DOCK7: variants seen among roughly 807,000 people sequenced by gnomAD.
The protein encoded by DOCK7 is dedicator of cytokinesis protein 7.
In DOCK7, 138 loss-of-function variants were observed where a neutral mutation model predicts 271.0. The ratio of observed to expected loss-of-function variants is 0.51; its 90% CI spans 0.44 to 0.59. The LOEUF (loss-of-function observed/expected upper bound fraction) is 0.59, where lower values mean the gene tolerates loss of function less well. Among genes scored for constraint, DOCK7 ranks in the 20% least tolerant of loss-of-function variants. DOCK7 has a pLI of 0.00. For synonymous variants in DOCK7, 823 were observed against 876.1 expected (o/e 0.94, Z 1.07); for missense variants, 2,066 against 2,592.4 (o/e 0.80, Z 4.41).
At chr1:62,560,177 G>A (rs560443692) in intron 19 of DOCK7, among the ~76,000 whole-genome samples, 26 of 152,116 alleles carry the variant, frequency 1.7e-4, no homozygotes, top group African/African-American at 5.8e-4. Flanking sequence ...ATGACTATAT[G>A]CTGAGTCCCG....
intron 18 of DOCK7, among the ~76,000 whole-genome samples, chr1:62,571,042 A>G (rs1385023042): frequency 6.6e-6 from 1 of 152,232 alleles, no homozygotes; most frequent in Non-Finnish European, 1.5e-5. Context: ...AACAAAAGCA[A>G]AAATTGACAA....
chr1:62,596,178 A>G, intron 14 of DOCK7, among the ~76,000 whole-genome samples: 1 of 152,172 alleles, frequency 6.6e-6, no homozygotes, highest in East Asian at 1.9e-4. Flanking sequence ...CTCTACATGT[A>G]TTATTGTTAA....
At chr1:62,492,679 A>C in intron 41 of DOCK7, 25 bp downstream of exon 41, 1 of 1,612,972 alleles carries the variant, frequency 6.2e-7, no homozygotes, top group Non-Finnish European at 8.5e-7. Flanking sequence ...AAACTGTGGG[A>C]AAAGAATTAA....
chr1:62,598,732 C>T, intron 14 of DOCK7: 1 of 1,611,296 alleles, frequency 6.2e-7, no homozygotes, highest in Non-Finnish European at 8.5e-7. Context: ...CATCAAAGAC[C>T]TTCTCCAGAC....
At chr1:62,489,978 T>C (rs1268331516) in intron 41 of DOCK7, among the ~76,000 whole-genome samples, 3 of 152,124 alleles carry the variant, frequency 2.0e-5, no homozygotes, top group African/African-American at 7.2e-5. Flanking sequence ...TGTGGGCTAG[T>C]TGGCCAGTGG....
intron 48 of DOCK7, among the ~76,000 whole-genome samples, 187 bp downstream of exon 48, chr1:62,473,795 G>T (rs10889330): frequency 1.3e-5 from 2 of 151,912 alleles, no homozygotes; most frequent in South Asian, 2.1e-4. Context: ...TTGTTTTCCA[G>T]GCTGGTCTCA....
intron 2 of DOCK7, among the ~76,000 whole-genome samples, chr1:62,657,649 TA>T (rs1374395865): frequency 1.3e-5 from 2 of 152,110 alleles, no homozygotes; most frequent in Non-Finnish European, 2.9e-5. Context: ...ACAGCAATTG[TA>T]AACACTCTTA....
At chr1:62,501,953 A>G (rs1025545683) in intron 37 of DOCK7, among the ~76,000 whole-genome samples, 12 of 152,200 alleles carry the variant, frequency 7.9e-5, no homozygotes, top group Middle Eastern at 3.2e-3. Flanking sequence ...AGCAACTTAT[A>G]TAACTACAAA....
chr1:62,509,049 T>A (rs1644401733), intron 34 of DOCK7, among the ~76,000 whole-genome samples: 1 of 152,096 alleles, frequency 6.6e-6, no homozygotes, highest in East Asian at 1.9e-4. Context: ...AATTTACAGT[T>A]TACAAATTCA....
chr1:62,601,676 C>T, intron 14 of DOCK7: 1 of 903,922 alleles, frequency 1.1e-6, no homozygotes, highest in Non-Finnish European at 1.8e-6. Context: ...GCTACATTTG[C>T]CACAACTTCA....
intron 14 of DOCK7, among the ~76,000 whole-genome samples, chr1:62,590,610 T>A (rs1361578118): frequency 6.6e-6 from 1 of 152,102 alleles, no homozygotes; most frequent in Non-Finnish European, 1.5e-5. Flanking sequence ...TGTAGTATGA[T>A]AAATGCTGTG....
chr1:62,503,907 C>T (rs899012252), intron 37 of DOCK7, among the ~76,000 whole-genome samples: 71 of 151,942 alleles, frequency 4.7e-4, no homozygotes, highest in African/African-American at 1.5e-3. Flanking sequence ...ATTAGCTGGG[C>T]GTGGTGGCGG....
In DOCK7 at chr1:62,474,251, T is replaced by C. The variant is rs116569821; in HGVS notation, c.6106-163A>G. 4.9e-3 allele frequency among the ~76,000 whole-genome samples: 743 copies of C among 152,364 alleles called. 8 individuals are homozygous for C. Among genetic ancestry groups the C allele is most frequent in the African/African-American group, 0.017 (719 of 41,596 alleles). ...AACTCCACAGACTATTTCAGTATTT[T>C]CTAATTTCATTCTACATTCTTATCT... is the stretch of plus-strand genomic sequence containing the variant. On this transcript the variant is annotated intron_variant, in intron 47 of 49. Coordinates refer to ENST00000635253, the MANE Select transcript of DOCK7 (RefSeq NM_001367561.1).
In DOCK7 at chr1:62,611,960, C is replaced by A. The variant is rs530145841; in HGVS notation, c.1682+6746G>T. Among the ~76,000 whole-genome samples the A allele has an allele frequency of 2.0e-5, 3 of 148,414 alleles. No homozygotes were observed. The Admixed American group carries it at 2.0e-4, about 10-fold the overall frequency. On this transcript the variant is annotated intron_variant, in intron 14 of 49. Transcript: ENST00000635253. ...AGGAGTTCGAGACATGCCTGGCCAA[C>A]ACAGTGAAATCCCATCTCTAGTAAA...
chr1:62,665,238 C>G (rs1019970332), intron 1 of DOCK7, among the ~76,000 whole-genome samples: 2 of 152,102 alleles, frequency 1.3e-5, no homozygotes, highest in African/African-American at 4.8e-5. Context: ...AGCCACCCAC[C>G]TTGGTCTCCC....
intron 47 of DOCK7, among the ~76,000 whole-genome samples, chr1:62,474,465 G>A (rs1354706828): frequency 6.6e-6 from 1 of 152,168 alleles, no homozygotes; most frequent in Non-Finnish European, 1.5e-5. Context: ...TGCTAAAACA[G>A]GTTCCCTCAG....
intron 22 of DOCK7, among the ~76,000 whole-genome samples, chr1:62,551,481 T>C (rs912358671): frequency 2.0e-5 from 3 of 152,062 alleles, no homozygotes; most frequent in East Asian, 1.9e-4. Context: ...AAGTGTGATA[T>C]AAGGGAAGAC....
intron 1 of DOCK7, 70 bp downstream of exon 1, chr1:62,688,157 C>A: frequency 7.9e-7 from 1 of 1,267,634 alleles, no homozygotes. Context: ...GCCTCCTAGG[C>A]CAGGCCTGGG....
chr1:62,657,947 C>T (rs888018713), intron 2 of DOCK7, among the ~76,000 whole-genome samples: 8 of 151,960 alleles, frequency 5.3e-5, no homozygotes, highest in African/African-American at 1.9e-4. Context: ...ATATCCAATA[C>T]TGGCATCACC....
Sources: allele counts gnomAD v4.1 joint callset (sites outside exome capture counted in the v4.1 genomes callset), GRCh38; gene constraint gnomAD v4.1.1; transcripts MANE v1.5; gene names NCBI Gene and HGNC (gene_info 2026-07-23, HGNC 2026-07-21).